MMP16: variants seen among roughly 807,000 people sequenced by gnomAD.
MMP16 encodes matrix metalloproteinase-16.
A neutral mutation model predicts 67.8 loss-of-function variants in MMP16; 12 were observed. That is an observed-to-expected ratio of 0.18 (90% CI 0.11 to 0.29). The LOEUF is 0.29. Ranked by LOEUF, MMP16 falls within the 10% of genes least tolerant of loss-of-function variation. The pLI is 1.00. For synonymous variants in MMP16, 249 were observed against 255.9 expected (o/e 0.97, Z 0.26); for missense variants, 475 against 765.7 (o/e 0.62, Z 4.48).
rs140819784 is a variant in MMP16 at position 88,233,350 on chromosome 8, T to C, written c.133-36044A>G. Among the ~76,000 whole-genome samples, 782 of 152,282 alleles carry C rather than the reference T, an allele frequency of 5.1e-3. 11 individuals carry two copies. Among genetic ancestry groups the C allele is most frequent in the African/African-American group, 0.018 (748 of 41,556 alleles). ...TACATTTCTATGACACCACTCTCCT[T>C]ATTGGCAATCCAAGCTGAGGTCAAA... On this transcript the variant is annotated intron_variant, in intron 1 of 9. Transcript: ENST00000286614.
intron 7 of MMP16, among the ~76,000 whole-genome samples, chr8:88,061,923 A>T (rs1808404735): frequency 6.6e-6 from 1 of 151,754 alleles, no homozygotes; most frequent in African/African-American, 2.4e-5. Flanking sequence ...GGAAAAATGT[A>T]CTTATATTCC....
chr8:88,149,349 G>A (rs12678819), intron 4 of MMP16, among the ~76,000 whole-genome samples: 55,249 of 151,918 alleles, frequency 0.36, 10,358 homozygotes, highest in East Asian at 0.47. Flanking sequence ...CGAACTGGGT[G>A]GAGCCCACCA....
At chr8:88,234,007 A>G (rs1481431692) in intron 1 of MMP16, among the ~76,000 whole-genome samples, 3 of 152,244 alleles carry the variant, frequency 2.0e-5, no homozygotes, top group African/African-American at 7.2e-5. Flanking sequence ...AATCCAGCCT[A>G]TTAAGAATAA....
chr8:88,320,617 C>T (rs948772065), intron 1 of MMP16, among the ~76,000 whole-genome samples: 6 of 152,154 alleles, frequency 3.9e-5, no homozygotes, highest in Admixed American at 2.0e-4. Context: ...CATCTTAAAT[C>T]GTGAACTGTG....
chr8:88,112,048 A>G (rs527818214), intron 6 of MMP16, among the ~76,000 whole-genome samples: 10 of 151,880 alleles, frequency 6.6e-5, no homozygotes, highest in African/African-American at 2.4e-4. Flanking sequence ...GATTAACTGG[A>G]AAGACATTTA....
chr8:88,281,862 A>T (rs1330220825), intron 1 of MMP16, among the ~76,000 whole-genome samples: 1 of 151,974 alleles, frequency 6.6e-6, no homozygotes, highest in Non-Finnish European at 1.5e-5. Flanking sequence ...TTCTGACAGG[A>T]TCTCCTGACC....
At chr8:88,265,223 C>T (rs1355863352) in intron 1 of MMP16, among the ~76,000 whole-genome samples, 25 of 100,744 alleles carry the variant, frequency 2.5e-4, no homozygotes, top group South Asian at 1.1e-3. Context: ...TGACCATTTC[C>T]TTTTTTTTTT....
chr8:88,051,553 A>C (rs1470115561), intron 8 of MMP16, among the ~76,000 whole-genome samples: 2 of 152,186 alleles, frequency 1.3e-5, no homozygotes, highest in Non-Finnish European at 2.9e-5. Flanking sequence ...CCTCAGAATC[A>C]GTCTTAAAAA....
At chr8:88,308,560 G>C (rs899321874) in intron 1 of MMP16, among the ~76,000 whole-genome samples, 5 of 152,054 alleles carry the variant, frequency 3.3e-5, no homozygotes, top group African/African-American at 9.7e-5. Context: ...GTGAGGGAAA[G>C]ATGTATTACT....
rs185860317 is a variant in MMP16 at position 88,147,758 on chromosome 8, G to A, written c.709+19911C>T. Among the ~76,000 whole-genome samples, 150 of 149,292 alleles carry A rather than the reference G, an allele frequency of 1.0e-3. 2 individuals are homozygous for A. The highest frequency in any genetic ancestry group is 3.4e-3 in the African/African-American group (141 of 40,998). On this transcript the variant is annotated intron_variant, in intron 4 of 9. Coordinates refer to ENST00000286614, the MANE Select transcript of MMP16 (RefSeq NM_005941.5). The stretch of plus-strand genomic sequence containing the variant: ...AAAATCCTCTCTTTGGTCCACAGTA[G>A]TTACTATAAAATATGTGTTTGTGTG...
intron 8 of MMP16, among the ~76,000 whole-genome samples, chr8:88,050,608 G>A (rs1001043841): frequency 6.6e-6 from 1 of 152,054 alleles, no homozygotes; most frequent in Admixed American, 6.5e-5. Flanking sequence ...AGTATGAATT[G>A]TCACTCAATT....
chr8:88,134,694 T>C (rs999913878), intron 4 of MMP16, among the ~76,000 whole-genome samples: 1 of 151,682 alleles, frequency 6.6e-6, no homozygotes, highest in Non-Finnish European at 1.5e-5. Flanking sequence ...ATGTTGCTGT[T>C]TCCCCTAGCA....
At chr8:88,241,640 T>G (rs1469930500) in intron 1 of MMP16, among the ~76,000 whole-genome samples, 1 of 152,108 alleles carries the variant, frequency 6.6e-6, no homozygotes, top group East Asian at 1.9e-4. Context: ...GTATACATTG[T>G]GGAATGTCTA....
chr8:88,081,755 T>C (rs1808754771), intron 6 of MMP16, among the ~76,000 whole-genome samples: 1 of 151,882 alleles, frequency 6.6e-6, no homozygotes, highest in South Asian at 2.1e-4. Flanking sequence ...GTAAAAACAG[T>C]TTTTTTTATA....
chr8:88,225,381 T>C (rs1809753328), intron 1 of MMP16, among the ~76,000 whole-genome samples: 1 of 152,046 alleles, frequency 6.6e-6, no homozygotes, highest in South Asian at 2.1e-4. Flanking sequence ...CCGAATTAAC[T>C]TGAATTTATT....
At chr8:88,158,827 T>A (rs1005229457) in intron 4 of MMP16, among the ~76,000 whole-genome samples, 4 of 152,228 alleles carry the variant, frequency 2.6e-5, no homozygotes, top group African/African-American at 9.6e-5. Flanking sequence ...TAATCCATCT[T>A]CACTTAATTT....
intron 1 of MMP16, among the ~76,000 whole-genome samples, chr8:88,316,850 TGCCACTAA>T (rs1421288601): frequency 1.3e-5 from 2 of 152,162 alleles, no homozygotes; most frequent in Non-Finnish European, 2.9e-5. Context: ...CCATTCTAGA[TGCCACTAA>T]GCATCCTCAT....
At chr8:88,191,147 GA>G (rs758321576) in intron 2 of MMP16, among the ~76,000 whole-genome samples, 3 of 151,718 alleles carry the variant, frequency 2.0e-5, no homozygotes, top group African/African-American at 4.8e-5. Flanking sequence ...AACTTAAAAA[GA>G]AAAAAAATCT....
intron 1 of MMP16, among the ~76,000 whole-genome samples, chr8:88,299,161 C>T (rs1382233585): frequency 6.6e-6 from 1 of 152,142 alleles, no homozygotes. Flanking sequence ...TCTGGAACGA[C>T]ACATGCATCT....
Sources: allele counts gnomAD v4.1 joint callset (sites outside exome capture counted in the v4.1 genomes callset), GRCh38; gene constraint gnomAD v4.1.1; transcripts MANE v1.5; gene names NCBI Gene and HGNC (gene_info 2026-07-23, HGNC 2026-07-21).